The following LRFN1 variants were observed in gnomAD, a reference collection of about 807,000 sequenced individuals.
LRFN1 encodes leucine-rich repeat and fibronectin type III domain-containing protein 1.
Under a neutral mutation model 31.8 loss-of-function variants are expected in LRFN1, and 20 were observed. The observed-to-expected ratio is 0.63, with a 90% CI of 0.44 to 0.91. The LOEUF is 0.91. Among genes scored for constraint, LRFN1 ranks in the 40% least tolerant of loss-of-function variants. LRFN1 has a pLI of 0.00. For missense variants in LRFN1, 912 were observed against 1,129.8 expected, an observed-to-expected ratio of 0.81 and a Z score of 2.76; for synonymous variants, 514 against 541.3, an observed-to-expected ratio of 0.95 and a Z score of 0.70.
intron 1 of LRFN1, among the ~76,000 whole-genome samples, chr19:39,320,226 G>T (rs1050757251): frequency 9.9e-5 from 15 of 151,486 alleles, no homozygotes; most frequent in Admixed American, 6.6e-4. Flanking sequence ...ACCGAGGCCT[G>T]GGCGCCGAGC....
chr19:39,314,530 C>T lies in LRFN1; in HGVS notation c.807G>A (p.Glu269=), dbSNP rs757932230. The change falls in exon 4 of 5, where the codon GAG becomes GAA. Residue 269 remains glutamate (E), a synonymous_variant. Coordinates refer to ENST00000248668, the MANE Select transcript of LRFN1 (RefSeq NM_020862.2). The part of the protein sequence containing the change: ...ELLWLRRLTR[E]DDLETCATPE... ...GCGTGGCGCAGGTCTCTAAGTCGTC[C>T]TCGCGGGTCAGCCGCCGCAGCCAGA... The T allele has an allele frequency of 6.2e-7, 1 of 1,609,980 alleles. No homozygotes were observed. The highest frequency in any genetic ancestry group is 1.1e-5 in the South Asian group (1 of 90,754).
rs2075133609 is a variant in LRFN1 at position 39,307,614 on chromosome 19, C to G, written c.*19G>C. On this transcript the variant is annotated 3_prime_UTR_variant, in exon 5 of 5. Coordinates refer to ENST00000248668, the MANE Select transcript of LRFN1 (RefSeq NM_020862.2). This position sits in a 1 kb window ranked among gnomAD's most constrained non-coding sequence, Gnocchi z 6.7. ...CGTTTGGTCTGCGGCACCCAGGCGT[C>G]CCGGCGCCCGCCCGCCGCTCACACG... 2 of 1,383,872 alleles carry G rather than the reference C, an allele frequency of 1.4e-6. No homozygotes were observed. The highest frequency in any genetic ancestry group is 1.9e-6 in the Non-Finnish European group (2 of 1,076,484). 85.7% of individuals were successfully genotyped at this position (1,383,872 alleles called of 1,614,324 possible).
At chr19:39,317,446 G>C (rs2075175445) in intron 2 of LRFN1, among the ~76,000 whole-genome samples, 1 of 152,172 alleles carries the variant, frequency 6.6e-6, no homozygotes, top group South Asian at 2.1e-4. Context: ...CCCCTGCTTG[G>C]CTGTGGGGTC....
rs755225764 is a variant in LRFN1 at position 39,314,590 on chromosome 19, G to A, written c.747C>T (p.Phe249=). 7 of 1,609,724 alleles carry A rather than the reference G, an allele frequency of 4.3e-6. No individual in the cohort carries two copies. The highest frequency in any genetic ancestry group is 2.2e-5 in the South Asian group (2 of 90,672). ...PKPPTPLTVS[F]GGNPLHCNCE... is the part of the protein sequence containing the mutation. ...AGTTGCAGTGCAGGGGGTTGCCGCC[G>A]AAGCTGACGGTCAGCGGGGTGGGCG... The change falls in exon 4 of 5, where the codon TTC becomes TTT. Residue 249 remains phenylalanine (F), a synonymous_variant. Transcript: ENST00000248668.
chr19:39,312,330 C>G (rs1225848683), intron 4 of LRFN1, among the ~76,000 whole-genome samples: 1 of 152,006 alleles, frequency 6.6e-6, no homozygotes, highest in Non-Finnish European at 1.5e-5. Flanking sequence ...GGTAGGGAAA[C>G]AGCTCCAGCC....
Position 39,308,353 on chromosome 19 carries a change from C to T in LRFN1, c.1596G>A (p.Leu532=). The part of the protein sequence containing the change: ...APCRPLRAHF[L]GGTMIIAIGG... ...CGATGGCGATGATCATGGTGCCGCC[C>T]AAGAAATGGGCCCTCAGCGGGCGGC... The change falls in exon 5 of 5, where the codon TTG becomes TTA. Residue 532 remains leucine (L), a synonymous_variant. Coordinates refer to ENST00000248668, the MANE Select transcript of LRFN1 (RefSeq NM_020862.2). The surrounding 1 kb of genome is among the most constrained non-coding windows in gnomAD (Gnocchi z 6.2). The T allele has an allele frequency of 6.2e-7, 1 of 1,612,696 alleles. No homozygotes were observed. The highest frequency in any genetic ancestry group is 8.5e-7 in the Non-Finnish European group (1 of 1,179,542).
chr19:39,315,249 G>C lies in LRFN1; in HGVS notation c.88C>G (p.Arg30Gly), dbSNP rs756774046. ...FLLLLWAGAS[R>G]GQPCPGRCIC... ...CAGCGGCCGGGGCAGGGCTGGCCAC[G>C]AGATGCCCCCGCCCAGAGCAGCAGC... Residue 30 changes from arginine (R) to glycine (G), a missense_variant, in exon 4 of 5, where the codon CGT becomes GGT. Arg to Gly is a moderately radical substitution (Grantham distance 125, BLOSUM62 -2). Transcript: ENST00000248668. The surrounding 1 kb of genome is among the most constrained non-coding windows in gnomAD (Gnocchi z 4.7). 1.3e-6 allele frequency: 2 copies of C among 1,549,154 alleles called. No individual in the cohort carries two copies. The highest frequency in any genetic ancestry group is 1.7e-6 in the Non-Finnish European group (2 of 1,153,576).
At position 39,308,324 on chromosome 19, in the gene LRFN1, C is replaced by T. The variant is rs538074300; in HGVS notation, c.1625G>A (p.Gly542Asp). ...GACGAGGACCGAGGCGACGATGACG[C>T]CCCCGATGGCGATGATCATGGTGCC... ...LGGTMIIAIG[G>D]VIVASVLVFI... The change falls in exon 5 of 5, where the codon GGC becomes GAC. Residue 542 changes from glycine to aspartate, a missense_variant. Gly to Asp is a moderately conservative substitution (Grantham distance 94). Transcript: ENST00000248668. This position sits in a 1 kb window ranked among gnomAD's most constrained non-coding sequence, Gnocchi z 6.2. 1 of 1,613,206 alleles carries T rather than the reference C, an allele frequency of 6.2e-7. No homozygotes were observed. Among genetic ancestry groups the T allele is most frequent in the Non-Finnish European group, 8.5e-7 (1 of 1,179,646 alleles).
rs1319895087 is a variant in LRFN1, at chr19:39,307,923, C to T, written c.2026G>A (p.Ala676Thr). ...AVGPRRSRSG[A>T]LEPPTSAPPT... is the part of the protein sequence containing the mutation. The stretch of plus-strand genomic sequence containing the variant: ...GGCGCCGAGGTTGGTGGCTCCAGGG[C>T]GCCGGATCGGCTCCTTCGAGGGCCC... Residue 676 changes from alanine to threonine, a missense_variant, in exon 5 of 5, where the codon GCC becomes ACC. Around this residue, in one of 2 missense-constraint regions of LRFN1, gnomAD observed 511 missense variants for 557.0 expected, o/e 0.92. Coordinates refer to ENST00000248668, the MANE Select transcript of LRFN1 (RefSeq NM_020862.2). This position sits in a 1 kb window ranked among gnomAD's most constrained non-coding sequence, Gnocchi z 6.7. 9 of 1,567,012 alleles carry T rather than the reference C, an allele frequency of 5.7e-6. 1 individual carries two copies. In the South Asian group the frequency reaches 9.2e-5, roughly 16 times the overall value.
In LRFN1 at chr19:39,307,095, C is replaced by T. The variant is rs562149981; in HGVS notation, c.*538G>A. Reference sequence around the variant, plus strand: ...GCACTACAGAGAGACGACAAGAGGGCGGGATAGAGACAAACGAGGGAAACA... The same window carrying T: ...GCACTACAGAGAGACGACAAGAGGGTGGGATAGAGACAAACGAGGGAAACA... On this transcript the variant is annotated 3_prime_UTR_variant, in exon 5 of 5. Transcript: ENST00000248668. This position sits in a 1 kb window ranked among gnomAD's most constrained non-coding sequence, Gnocchi z 6.7. 12 of 393,222 alleles carry T rather than the reference C, an allele frequency of 3.1e-5. No individual in the cohort carries two copies. The highest frequency in any genetic ancestry group is 2.3e-4 in the African/African-American group (11 of 48,454). The allele number at this position is 393,222 out of a possible 1,614,324, so 24.4% of individuals were successfully genotyped here.
In LRFN1 at chr19:39,315,227, C is replaced by T; in HGVS notation, c.110G>A (p.Arg37His). 6.4e-7 allele frequency: 1 copy of T among 1,565,592 alleles called. No homozygotes were observed. Among genetic ancestry groups the T allele is most frequent in the East Asian group, 2.3e-5 (1 of 43,276 alleles). ...GGGCGCCACGTTCTGGCAGATGCAG[C>T]GGCCGGGGCAGGGCTGGCCACGAGA... ...GASRGQPCPG[R>H]CICQNVAPTL... The change falls in exon 4 of 5, where the codon CGC becomes CAC. Residue 37 changes from arginine (R) to histidine (H), a missense_variant. Transcript: ENST00000248668. This position sits in a 1 kb window ranked among gnomAD's most constrained non-coding sequence, Gnocchi z 4.7.
At chr19:39,313,547 A>G (rs551572275) in intron 4 of LRFN1, among the ~76,000 whole-genome samples, 1 of 152,322 alleles carries the variant, frequency 6.6e-6, no homozygotes, top group African/African-American at 2.4e-5. Flanking sequence ...AAACAAATAA[A>G]TAAATGTCAC....
intron 4 of LRFN1, among the ~76,000 whole-genome samples, chr19:39,312,624 A>C (rs921888258): frequency 1.3e-5 from 2 of 151,880 alleles, no homozygotes; most frequent in African/African-American, 4.8e-5. Flanking sequence ...GCAATATAGC[A>C]AGACCTCATC....
chr19:39,307,373 G>A lies in LRFN1; in HGVS notation c.*260C>T, dbSNP rs557949583. The A allele has an allele frequency of 7.4e-6, 3 of 407,318 alleles. No individual in the cohort carries two copies. 25.2% of individuals were successfully genotyped at this position (407,318 alleles called of 1,614,324 possible). A position where few individuals can be genotyped will look rare whatever the true frequency, so the allele number is the denominator to read the frequency against. ...CGGCTCCAGCGAGGTCCGCGAGCGC[G>A]CGAGGGGAGGGGTAGGAGGGGGGTC... On this transcript the variant is annotated 3_prime_UTR_variant, in exon 5 of 5. Transcript: ENST00000248668. This position sits in a 1 kb window ranked among gnomAD's most constrained non-coding sequence, Gnocchi z 6.7.
chr19:39,308,018 C>T lies in LRFN1; in HGVS notation c.1931G>A (p.Gly644Asp). The T allele has an allele frequency of 6.4e-7, 1 of 1,564,796 alleles. No individual in the cohort carries two copies. Among genetic ancestry groups the T allele is most frequent in the Non-Finnish European group, 8.6e-7 (1 of 1,161,146 alleles). ...CAGGCACAGCGAGGTGGCCGAGCCGCCCAGAGAACGTCCAAGGACCACCTC... is the reference window on the plus strand; with the variant it reads ...CAGGCACAGCGAGGTGGCCGAGCCGTCCAGAGAACGTCCAAGGACCACCTC... ...EPEVVLGRSL[G>D]GSATSLCLLP... The change falls in exon 5 of 5, where the codon GGC becomes GAC. Residue 644 changes from glycine to aspartate, a missense_variant. Gly to Asp is a moderately conservative substitution (Grantham distance 94). This residue lies in a region of LRFN1 where 511 missense variants were observed against 557.0 expected (regional missense o/e 0.92). Coordinates refer to ENST00000248668, the MANE Select transcript of LRFN1 (RefSeq NM_020862.2). The surrounding 1 kb of genome is among the most constrained non-coding windows in gnomAD (Gnocchi z 6.2).
chr19:39,317,173 A>AAG (rs2075174589), intron 2 of LRFN1, among the ~76,000 whole-genome samples: 1 of 152,030 alleles, frequency 6.6e-6, no homozygotes, highest in Non-Finnish European at 1.5e-5. Context: ...AGACACAGAA[A>AAG]AGAGAGAGAC....
At chr19:39,318,971 C>T (rs932655938) in intron 1 of LRFN1, among the ~76,000 whole-genome samples, 1 of 152,210 alleles carries the variant, frequency 6.6e-6, no homozygotes, top group African/African-American at 2.4e-5. Flanking sequence ...GGTCATGCCA[C>T]ATGGGCCTCA....
At chr19:39,320,752 C>CACACACCCGCGT (rs1385902188) in intron 1 of LRFN1, 41 bp downstream of exon 1, 2 of 148,258 alleles carry the variant, frequency 1.3e-5, no homozygotes, top group African/African-American at 4.9e-5. Context: ...CACACCCGCG[C>CACACACCCGCGT]CCCCGCCCGC....
Position 39,314,576 on chromosome 19 carries a change from A to G in LRFN1, c.761T>C (p.Leu254Pro), listed in dbSNP as rs1461517753. Residue 254 changes from leucine to proline, a missense_variant, in exon 4 of 5, where the codon CTG (leucine) becomes CCG (proline). By Grantham distance (98) the Leu-to-Pro change is moderately conservative. Around this residue, in one of 2 missense-constraint regions of LRFN1, gnomAD observed 401 missense variants for 572.7 expected, o/e 0.70. Transcript: ENST00000248668. ...CCAGAGCAGCTCGCAGTTGCAGTGC[A>G]GGGGGTTGCCGCCGAAGCTGACGGT... ...PLTVSFGGNPLHCNCELLWLR... is the reference protein window; with the variant it reads ...PLTVSFGGNPPHCNCELLWLR... 1 of 1,610,022 alleles carries G rather than the reference A, an allele frequency of 6.2e-7. No individual in the cohort carries two copies. The highest frequency in any genetic ancestry group is 8.5e-7 in the Non-Finnish European group (1 of 1,178,540).
Sources: gnomAD v4.1 joint callset for allele counts (sites outside exome capture counted in the v4.1 genomes callset) on GRCh38, gnomAD v4.1.1 for gene constraint, gnomAD v4.1.1 regional missense constraint, Gnocchi (gnomAD v3.1) non-coding constraint, MANE v1.5 for transcripts, NCBI Gene and HGNC (gene_info 2026-07-23, HGNC 2026-07-21) for gene names.